TRMT11: variants seen among roughly 807,000 people sequenced by gnomAD.
The protein encoded by TRMT11 is tRNA (guanine(10)-N(2))-methyltransferase TRMT11.
Under a neutral mutation model 62.8 loss-of-function variants are expected in TRMT11, and 53 were observed. The observed-to-expected ratio is 0.84, with a 90% CI of 0.68 to 1.06. TRMT11 has a LOEUF of 1.06. TRMT11 is among the 50% of genes least tolerant of loss of function. TRMT11 has a pLI of 0.00. For synonymous variants in TRMT11, 188 were observed against 190.3 expected, an observed-to-expected ratio of 0.99 and a Z score of 0.10; for missense variants, 556 against 553.4, an observed-to-expected ratio of 1.00 and a Z score of -0.05.
intron 17 of TRMT11, among the ~76,000 whole-genome samples, chr6:126,072,628 A>G (rs944330983): frequency 6.6e-6 from 1 of 152,234 alleles, no homozygotes; most frequent in Non-Finnish European, 1.5e-5. Flanking sequence ...CTGCTATAAC[A>G]ATATCACATA....
At chr6:126,108,378 T>C (rs908498864) in intron 17 of TRMT11, among the ~76,000 whole-genome samples, 2 of 152,256 alleles carry the variant, frequency 1.3e-5, no homozygotes, top group African/African-American at 4.8e-5. Flanking sequence ...AACTTATTTA[T>C]GAAGTTCTTA....
chr6:126,217,861 G>A, the TRMT11 span, among the ~76,000 whole-genome samples: 3 of 152,158 alleles, frequency 2.0e-5, no homozygotes, highest in African/African-American at 7.2e-5. Context: ...AACTGCAGGT[G>A]AGTCCAGAGA....
intron 21 of TRMT11, among the ~76,000 whole-genome samples, chr6:126,125,297 G>T (rs1329540037): frequency 6.6e-6 from 1 of 151,974 alleles, no homozygotes; most frequent in East Asian, 1.9e-4. Context: ...GGAAGTGGGG[G>T]TAAACATGTG....
chr6:126,117,924 T>C (rs946644162), intron 21 of TRMT11, among the ~76,000 whole-genome samples: 3 of 152,118 alleles, frequency 2.0e-5, no homozygotes, highest in African/African-American at 7.2e-5. Flanking sequence ...AGTTATAATA[T>C]GCGTTTTGTC....
At position 126,134,238 on chromosome 6, in the gene TRMT11, A is replaced by G. The variant is rs147251844; in HGVS notation, c.*1823+18383A>G. On this transcript the variant is annotated intron_variant and NMD_transcript_variant, in intron 21 of 22. Transcript: ENST00000648977. The stretch of plus-strand genomic sequence containing the variant: ...GGATTAAACAATAAGACCCAATTAT[A>G]TGTTGCCTACAAGAAAGTCACTTCA... 8.4e-3 allele frequency among the ~76,000 whole-genome samples: 1,270 copies of G among 151,956 alleles called. 16 individuals are homozygous for G. The highest frequency in any genetic ancestry group is 0.029 in the African/African-American group (1,212 of 41,504).
chr6:126,226,030 G>A, the TRMT11 span, among the ~76,000 whole-genome samples: 1 of 152,074 alleles, frequency 6.6e-6, no homozygotes, highest in Admixed American at 6.6e-5. Context: ...ATTTCCCTGT[G>A]TAGTGTCACT....
chr6:126,125,921 C>T (rs1223076300), intron 21 of TRMT11, among the ~76,000 whole-genome samples: 1 of 152,118 alleles, frequency 6.6e-6, no homozygotes, highest in Non-Finnish European at 1.5e-5. Context: ...CCGAAACACA[C>T]ATGCATGCAC....
chr6:126,012,876 T>C, intron 10 of TRMT11, 24 bp downstream of exon 10: 1 of 1,609,460 alleles, frequency 6.2e-7, no homozygotes, highest in South Asian at 1.1e-5. Flanking sequence ...AAATATGATG[T>C]GTTACTACCT....
At chr6:126,146,676 C>T (rs759500060) in intron 21 of TRMT11, among the ~76,000 whole-genome samples, 23 of 152,074 alleles carry the variant, frequency 1.5e-4, no homozygotes, top group Admixed American at 7.9e-4. Context: ...GCCACAGTGC[C>T]CCGCTAATTT....
chr6:126,105,749 A>G (rs181988603), intron 17 of TRMT11, among the ~76,000 whole-genome samples: 1 of 152,092 alleles, frequency 6.6e-6, no homozygotes, highest in African/African-American at 2.4e-5. Context: ...TTTTAGGGGA[A>G]AGAAGGTATG....
intron 2 of TRMT11, among the ~76,000 whole-genome samples, chr6:125,994,929 A>C (rs797019221): frequency 6.6e-6 from 1 of 152,194 alleles, no homozygotes; most frequent in African/African-American, 2.4e-5. Flanking sequence ...GCTGAATAAT[A>C]AGAACATATG....
chr6:126,068,951 G>A (rs971221447), intron 17 of TRMT11, among the ~76,000 whole-genome samples: 5 of 152,186 alleles, frequency 3.3e-5, no homozygotes, highest in Non-Finnish European at 7.3e-5. Flanking sequence ...ATTGGTTTTT[G>A]TAGGAACTAG....
chr6:126,030,960 G>C (rs1774084980), intron 12 of TRMT11, among the ~76,000 whole-genome samples: 1 of 152,194 alleles, frequency 6.6e-6, no homozygotes. Context: ...CACCAGGAGA[G>C]AATTTTGACT....
chr6:126,020,414 T>A (rs1795647198), intron 11 of TRMT11, among the ~76,000 whole-genome samples: 1 of 152,236 alleles, frequency 6.6e-6, no homozygotes, highest in Admixed American at 6.5e-5. Context: ...AGATTGATGC[T>A]AACAACCTGT....
chr6:125,995,677 G>A (rs1791384350), intron 2 of TRMT11, among the ~76,000 whole-genome samples: 1 of 152,108 alleles, frequency 6.6e-6, no homozygotes, highest in African/African-American at 2.4e-5. Context: ...TATACTTTGG[G>A]ATATAATATG....
At chr6:126,104,845 T>C (rs1338359271) in intron 17 of TRMT11, among the ~76,000 whole-genome samples, 19 of 152,226 alleles carry the variant, frequency 1.2e-4, no homozygotes, top group Admixed American at 1.2e-3. Context: ...TCTTTTTTCA[T>C]TGAAACCTAA....
intron 7 of TRMT11, among the ~76,000 whole-genome samples, chr6:126,003,036 C>A (rs1042173416): frequency 1.1e-4 from 16 of 151,828 alleles, no homozygotes; most frequent in Non-Finnish European, 2.1e-4. Context: ...GTGTATGTAC[C>A]GTAATTTATT....
At chr6:126,080,422 A>G (rs1302894504) in intron 17 of TRMT11, among the ~76,000 whole-genome samples, 1 of 152,054 alleles carries the variant, frequency 6.6e-6, no homozygotes, top group African/African-American at 2.4e-5. Flanking sequence ...CAAAAATCTG[A>G]CTTAAGTTTC....
chr6:126,240,226 A>G, the TRMT11 span, among the ~76,000 whole-genome samples: 1 of 152,164 alleles, frequency 6.6e-6, no homozygotes, highest in African/African-American at 2.4e-5. Flanking sequence ...GTCATTCTCC[A>G]TCCAGCTTTG....
Sources: gnomAD v4.1 joint callset for allele counts (sites outside exome capture counted in the v4.1 genomes callset) on GRCh38, gnomAD v4.1.1 for gene constraint, MANE v1.5 for transcripts, NCBI Gene and HGNC (gene_info 2026-07-23, HGNC 2026-07-21) for gene names.